Variants in ALKBH1 observed in about 807,000 individuals in gnomAD.
The protein encoded by ALKBH1 is alkB homolog 1, histone H2A dioxygenase, also known as nucleic acid dioxygenase ALKBH1.
A neutral mutation model predicts 36.6 loss-of-function variants in ALKBH1; 31 were observed. The ratio of observed to expected loss-of-function variants is 0.85; its 90% CI spans 0.64 to 1.14. The LOEUF (loss-of-function observed/expected upper bound fraction) is 1.14. Among genes scored for constraint, ALKBH1 ranks in the 50% most tolerant of loss-of-function variants. The pLI is 0.00. For synonymous variants in ALKBH1, 183 were observed against 186.6 expected, an observed-to-expected ratio of 0.98 and a Z score of 0.16; for missense variants, 490 against 497.3, an observed-to-expected ratio of 0.99 and a Z score of 0.14.
chr14:77,682,264 A>G (rs138109724), intron 3 of ALKBH1, among the ~76,000 whole-genome samples: 10 of 152,354 alleles, frequency 6.6e-5, no homozygotes, highest in African/African-American at 1.7e-4. Flanking sequence ...AGGTCTACCA[A>G]TGTTTATTCA....
chr14:77,706,332 A>C (rs12886631), intron 1 of ALKBH1, among the ~76,000 whole-genome samples: 58,611 of 151,836 alleles, frequency 0.39, 11,863 homozygotes, highest in East Asian at 0.5. Flanking sequence ...TGATTTCTTT[A>C]ATAGGCCATA....
intron 2 of ALKBH1, chr14:77,696,456 G>A (rs2080327564): frequency 6.6e-6 from 1 of 152,556 alleles, no homozygotes; most frequent in African/African-American, 2.4e-5. Context: ...TGGGAGGTCT[G>A]GCATGAACAA....
chr14:77,697,823 G>A (rs556454587), intron 2 of ALKBH1, among the ~76,000 whole-genome samples: 2 of 152,060 alleles, frequency 1.3e-5, no homozygotes, highest in East Asian at 1.9e-4. Flanking sequence ...GACCAGCCTG[G>A]GCAGCATGGT....
In ALKBH1 at chr14:77,674,049, A is replaced by G. The variant is rs772658544; in HGVS notation, c.933T>C (p.Ala311=). The G allele has an allele frequency of 6.2e-7, 1 of 1,614,238 alleles. No homozygotes were observed. The change falls in exon 6 of 6, where the codon GCT becomes GCC. Residue 311 remains alanine (A), a synonymous_variant. Coordinates refer to ENST00000216489, the MANE Select transcript of ALKBH1 (RefSeq NM_006020.3). ...LPHCLEAPLP[A]VLPRDSMVEP... ...CTACCATTGAATCTCTCGGGAGGAC[A>G]GCAGGGAGAGGTGCCTCTAGGCAGT...
chr14:77,705,762 A>C (rs964990123), intron 1 of ALKBH1, among the ~76,000 whole-genome samples: 1 of 152,282 alleles, frequency 6.6e-6, no homozygotes, highest in Non-Finnish European at 1.5e-5. Flanking sequence ...CTTGCCTTAA[A>C]ATATATGAAA....
At chr14:77,689,461 A>G (rs1361025266) in intron 3 of ALKBH1, among the ~76,000 whole-genome samples, 7 of 152,250 alleles carry the variant, frequency 4.6e-5, no homozygotes, top group African/African-American at 1.7e-4. Flanking sequence ...GAAAAGCTAT[A>G]TAGTCTCTAA....
At chr14:77,695,603 C>T (rs2080322524) in intron 2 of ALKBH1, among the ~76,000 whole-genome samples, 1 of 152,180 alleles carries the variant, frequency 6.6e-6, no homozygotes. Flanking sequence ...TGTAGTAATC[C>T]CAAGCTCTTT....
chr14:77,694,558 A>T lies in ALKBH1; in HGVS notation c.455+180T>A, dbSNP rs1411434871. Among the ~76,000 whole-genome samples the T allele has an allele frequency of 2.0e-5, 3 of 152,226 alleles. No individual in the cohort carries two copies. The East Asian group carries it at 5.8e-4, about 29-fold the overall frequency. On this transcript the variant is annotated intron_variant, in intron 3 of 5. Transcript: ENST00000216489. ...GATCTCAATTTACTATAACTGTCAA[A>T]GCATCTGTCCAAATGTTCCTGGGGA...
intron 4 of ALKBH1, among the ~76,000 whole-genome samples, chr14:77,676,495 C>T (rs1235302653): frequency 1.3e-5 from 2 of 151,988 alleles, no homozygotes; most frequent in Non-Finnish European, 2.9e-5. Context: ...CCAACAGGTG[C>T]CCAAGGAAAC....
intron 1 of ALKBH1, among the ~76,000 whole-genome samples, chr14:77,705,411 GAAAAAAAAA>G (rs56123313): frequency 1.8e-5 from 2 of 113,394 alleles, no homozygotes; most frequent in Non-Finnish European, 3.6e-5. Context: ...CTCCGTCTAA[GAAAAAAAAA>G]AAAAAAAAAA....
intron 1 of ALKBH1, among the ~76,000 whole-genome samples, chr14:77,706,876 T>C (rs1173943076): frequency 6.6e-6 from 1 of 152,194 alleles, no homozygotes; most frequent in African/African-American, 2.4e-5. Flanking sequence ...AGCATCCCAA[T>C]TTTATCAGAG....
At position 77,674,113 on chromosome 14, in the gene ALKBH1, G is replaced by A; in HGVS notation, c.869C>T (p.Pro290Leu). 6.2e-7 allele frequency: 1 copy of A among 1,614,204 alleles called. No individual in the cohort carries two copies. Among genetic ancestry groups the A allele is most frequent in the Non-Finnish European group, 8.5e-7 (1 of 1,180,052 alleles). Residue 290 changes from proline (P) to leucine (L), a missense_variant, in exon 6 of 6, where the codon CCT becomes CTT. Coordinates refer to ENST00000216489, the MANE Select transcript of ALKBH1 (RefSeq NM_006020.3). ...GFSRLLNHAVPRVLPNPEGEG... is the reference protein window; with the variant it reads ...GFSRLLNHAVLRVLPNPEGEG... ...CCCTTCTGGATTTGGAAGGACACGA[G>A]GGACTGCGTGGTTCAAGAGGCGGCT...
At chr14:77,674,934 A>T (rs567826270) in intron 5 of ALKBH1, among the ~76,000 whole-genome samples, 65 of 152,262 alleles carry the variant, frequency 4.3e-4, no homozygotes, top group Non-Finnish European at 7.9e-4. Context: ...AGATAAGGCA[A>T]TTAATAAAAG....
intron 3 of ALKBH1, among the ~76,000 whole-genome samples, chr14:77,680,335 C>T (rs1319287147): frequency 1.3e-5 from 2 of 152,100 alleles, no homozygotes; most frequent in African/African-American, 4.8e-5. Context: ...ATTTGACTTA[C>T]AGAACATTTT....
Position 77,673,706 on chromosome 14 carries a change from T to A in ALKBH1, c.*106A>T, listed in dbSNP as rs2080188547. On this transcript the variant is annotated 3_prime_UTR_variant, in exon 6 of 6. Coordinates refer to ENST00000216489, the MANE Select transcript of ALKBH1 (RefSeq NM_006020.3). The stretch of plus-strand genomic sequence containing the variant: ...GTGATCAACAATGAGTTCTTCCCTG[T>A]CTCTGTTTTTGGCTTGTCTGGGTGC... The A allele has an allele frequency of 8.6e-7, 1 of 1,166,344 alleles. No individual in the cohort carries two copies. The allele number at this position is 1,166,344 out of a possible 1,614,324, so 72.2% of individuals were successfully genotyped here. A position where few individuals can be genotyped will look rare whatever the true frequency, so the allele number is the denominator to read the frequency against.
chr14:77,678,981 A>AT (rs2080221449), intron 4 of ALKBH1, among the ~76,000 whole-genome samples: 1 of 151,950 alleles, frequency 6.6e-6, no homozygotes, highest in African/African-American at 2.4e-5. Flanking sequence ...ACATCTGGCT[A>AT]ATTTTTCTAT....
At chr14:77,685,693 GGGA>G (rs1307009699) in intron 3 of ALKBH1, among the ~76,000 whole-genome samples, 7 of 151,862 alleles carry the variant, frequency 4.6e-5, no homozygotes, top group South Asian at 4.2e-4. Flanking sequence ...GCAGGAGCCT[GGGA>G]GGAGAAGGTT....
Position 77,674,121 on chromosome 14 carries a change from G to A in ALKBH1, c.861C>T (p.His287=), listed in dbSNP as rs138157280. The A allele has an allele frequency of 1.1e-4, 183 of 1,614,186 alleles. No individual in the cohort carries two copies. In the African/African-American group the frequency reaches 1.9e-3, roughly 16 times the overall value. ...IMSGFSRLLN[H]AVPRVLPNPE... ...GATTTGGAAGGACACGAGGGACTGC[G>A]TGGTTCAAGAGGCGGCTGAAACCCG... Residue 287 remains histidine (H), a synonymous_variant, in exon 6 of 6, where the codon CAC becomes CAT. Transcript: ENST00000216489.
Position 77,680,677 on chromosome 14 carries a change from C to CT in ALKBH1, c.456-708dup, listed in dbSNP as rs1555383644. On this transcript the variant is annotated intron_variant, in intron 3 of 5. Coordinates refer to ENST00000216489, the MANE Select transcript of ALKBH1 (RefSeq NM_006020.3). ...GATCAAATCTATGTGATTAACTACT[C>CT]TTTTTTTTTTTTTTTTTTTGAGACA... Among the ~76,000 whole-genome samples, 27 of 124,336 alleles carry CT rather than the reference C, an allele frequency of 2.2e-4. 2 individuals are homozygous for CT. The highest frequency in any genetic ancestry group is 1.1e-3 in the East Asian group (5 of 4,660). The allele number at this position is 124,336 out of a possible 152,430, so 81.6% of individuals were successfully genotyped here.
Sources: allele counts gnomAD v4.1 joint callset (sites outside exome capture counted in the v4.1 genomes callset), GRCh38; gene constraint gnomAD v4.1.1; transcripts MANE v1.5; gene names NCBI Gene and HGNC (gene_info 2026-07-23, HGNC 2026-07-21).